VEPH1: variants seen among roughly 807,000 people sequenced by gnomAD.
VEPH1 encodes the protein ventricular zone expressed PH domain containing 1, also known as ventricular zone-expressed PH domain-containing protein homolog 1.
In VEPH1, 80 loss-of-function variants were observed where a neutral mutation model predicts 85.2. The observed-to-expected ratio is 0.94, with a 90% CI of 0.78 to 1.13. The LOEUF is 1.13. Among genes scored for constraint, VEPH1 ranks in the 50% most tolerant of loss-of-function variants. The probability of loss-of-function intolerance (pLI) is 0.00; values close to 1 mark genes in which losing one functional copy is unlikely to be tolerated. For synonymous variants in VEPH1, 297 were observed against 348.0 expected (o/e 0.85, Z 1.63); for missense variants, 955 against 980.5 (o/e 0.97, Z 0.35).
chr3:157,406,111 T>C (rs1225540672), intron 6 of VEPH1, among the ~76,000 whole-genome samples: 1 of 152,192 alleles, frequency 6.6e-6, no homozygotes, highest in Non-Finnish European at 1.5e-5. Context: ...ATAAAAGCTA[T>C]TTTCATTTTG....
intron 4 of VEPH1, chr3:157,442,657 A>G (rs754473132): frequency 6.2e-7 from 1 of 1,614,230 alleles, no homozygotes; most frequent in Non-Finnish European, 8.5e-7. Flanking sequence ...GGCACCTGGA[A>G]TTCAGAGGAA....
At chr3:157,372,368 C>T (rs567070316) in intron 7 of VEPH1, among the ~76,000 whole-genome samples, 2 of 152,308 alleles carry the variant, frequency 1.3e-5, no homozygotes, top group Non-Finnish European at 2.9e-5. Flanking sequence ...TGATTCAATT[C>T]CTAGTCTACC....
chr3:157,327,679 G>A (rs567972455), intron 9 of VEPH1, among the ~76,000 whole-genome samples: 4 of 152,094 alleles, frequency 2.6e-5, no homozygotes, highest in Admixed American at 1.3e-4. Flanking sequence ...ATGTGAGGGC[G>A]AAATCAAATA....
intron 2 of VEPH1, chr3:157,489,296 A>C (rs1195959115): frequency 2.4e-6 from 1 of 419,384 alleles, no homozygotes; most frequent in African/African-American, 2.0e-5. Flanking sequence ...TGTTCCCTTC[A>C]CTACAGCCAC....
At chr3:157,495,080 C>T (rs138475533) in intron 2 of VEPH1, 132 bp downstream of exon 2, 2 of 865,954 alleles carry the variant, frequency 2.3e-6, no homozygotes, top group East Asian at 2.7e-5. Flanking sequence ...AACCACAGAG[C>T]AGATTAAGAG....
chr3:157,380,711 C>A (rs901986236), intron 7 of VEPH1, among the ~76,000 whole-genome samples: 1 of 152,172 alleles, frequency 6.6e-6, no homozygotes, highest in Non-Finnish European at 1.5e-5. Flanking sequence ...AACCTTTCGG[C>A]CATTCTGCTA....
chr3:157,465,926 C>G (rs1736330330), intron 3 of VEPH1, among the ~76,000 whole-genome samples: 1 of 152,140 alleles, frequency 6.6e-6, no homozygotes, highest in Non-Finnish European at 1.5e-5. Flanking sequence ...AAATGTGGAG[C>G]TGATTAAATA....
intron 9 of VEPH1, among the ~76,000 whole-genome samples, chr3:157,327,661 G>C (rs1288808114): frequency 6.6e-6 from 1 of 152,144 alleles, no homozygotes; most frequent in Non-Finnish European, 1.5e-5. Context: ...AGGACGTTGA[G>C]GGTTTGCATG....
At chr3:157,463,035 C>A (rs1736022922) in intron 3 of VEPH1, among the ~76,000 whole-genome samples, 1 of 152,142 alleles carries the variant, frequency 6.6e-6, no homozygotes, top group African/African-American at 2.4e-5. Flanking sequence ...GTATGAGACT[C>A]AAGGAAACAT....
chr3:157,271,870 GATAAAA>G (rs1714601806), intron 12 of VEPH1, among the ~76,000 whole-genome samples: 2 of 152,054 alleles, frequency 1.3e-5, no homozygotes, highest in African/African-American at 4.8e-5. Context: ...GGAATTAGAA[GATAAAA>G]ATAAAAAGTG....
At chr3:157,351,566 C>G (rs1042719549) in intron 9 of VEPH1, among the ~76,000 whole-genome samples, 46 of 152,022 alleles carry the variant, frequency 3.0e-4, no homozygotes, top group Non-Finnish European at 3.7e-4. Context: ...TGTCTTTTCT[C>G]TACTACTAGT....
intron 4 of VEPH1, among the ~76,000 whole-genome samples, chr3:157,450,401 A>T (rs1428642013): frequency 6.6e-6 from 1 of 152,062 alleles, no homozygotes; most frequent in Non-Finnish European, 1.5e-5. Context: ...ACATTTTTCT[A>T]GAGATAATGA....
chr3:157,328,659 T>C (rs1037479570), intron 9 of VEPH1, among the ~76,000 whole-genome samples: 7 of 152,182 alleles, frequency 4.6e-5, no homozygotes, highest in South Asian at 4.1e-4. Context: ...TGTTAAGATA[T>C]GTGCAAGTGA....
At chr3:157,386,655 C>T (rs1577526912) in intron 6 of VEPH1, among the ~76,000 whole-genome samples, 1 of 152,146 alleles carries the variant, frequency 6.6e-6, no homozygotes, top group African/African-American at 2.4e-5. Context: ...AACCACACAA[C>T]CGAGAGTTGT....
intron 4 of VEPH1, among the ~76,000 whole-genome samples, chr3:157,431,612 G>A (rs7642671): frequency 0.02 from 2,968 of 151,666 alleles, 104 homozygotes; most frequent in African/African-American, 0.067. Flanking sequence ...CACAGGTTCC[G>A]GGGATTAGAA....
At position 157,437,662 on chromosome 3, in the gene VEPH1, C is replaced by T. The variant is rs1309026638; in HGVS notation, c.530-9174G>A. 2 of 1,541,240 alleles carry T rather than the reference C, an allele frequency of 1.3e-6. No individual in the cohort carries two copies. The highest frequency in any genetic ancestry group is 2.4e-5 in the East Asian group (1 of 40,876). On this transcript the variant is annotated intron_variant, in intron 4 of 13. Coordinates refer to ENST00000362010, the MANE Select transcript of VEPH1 (RefSeq NM_001167912.2). ...GCAGAGGCTGCGGGAGGAGCTGGGCCGGCTCGCGGAAAGCCTGGCGAGGCC... is the reference window on the plus strand; with the variant it reads ...GCAGAGGCTGCGGGAGGAGCTGGGCTGGCTCGCGGAAAGCCTGGCGAGGCC...
At chr3:157,466,353 A>C (rs932433607) in intron 3 of VEPH1, among the ~76,000 whole-genome samples, 2 of 152,248 alleles carry the variant, frequency 1.3e-5, no homozygotes, top group Middle Eastern at 3.4e-3. Flanking sequence ...TTTTGTAATA[A>C]AAGATCCTCT....
At chr3:157,306,012 A>G (rs1046090540) in intron 11 of VEPH1, among the ~76,000 whole-genome samples, 1 of 152,170 alleles carries the variant, frequency 6.6e-6, no homozygotes, top group African/African-American at 2.4e-5. Flanking sequence ...CAGACTTTAT[A>G]TTTTATGTAG....
intron 4 of VEPH1, among the ~76,000 whole-genome samples, chr3:157,452,484 G>A (rs1735054305): frequency 6.6e-6 from 1 of 152,184 alleles, no homozygotes; most frequent in Non-Finnish European, 1.5e-5. Flanking sequence ...GAAATGTCTA[G>A]TACTCAATTT....
Sources: allele counts gnomAD v4.1 joint callset (sites outside exome capture counted in the v4.1 genomes callset), GRCh38; gene constraint gnomAD v4.1.1; transcripts MANE v1.5; gene names NCBI Gene and HGNC (gene_info 2026-07-23, HGNC 2026-07-21).